The following AK5 variants were observed in gnomAD, a reference collection of about 807,000 sequenced individuals.
The protein encoded by AK5 is adenylate kinase 5.
Under a neutral mutation model 69.5 loss-of-function variants are expected in AK5, and 27 were observed. The observed-to-expected ratio is 0.39, with a 90% CI of 0.29 to 0.54. The LOEUF (loss-of-function observed/expected upper bound fraction) is 0.54, where lower values mean the gene tolerates loss of function less well. AK5 is among the 20% of genes least tolerant of loss of function. AK5 has a pLI of 0.71. For synonymous variants in AK5, 260 were observed against 244.4 expected (o/e 1.06, Z -0.60); for missense variants, 531 against 700.4 (o/e 0.76, Z 2.73).
chr1:77,435,644 C>CAAAAAAAAAAA (rs1202203579), intron 8 of AK5, among the ~76,000 whole-genome samples: 19 of 66,072 alleles, frequency 2.9e-4, no homozygotes, highest in African/African-American at 1.0e-3. Context: ...GACTCTGTCT[C>CAAAAAAAAAAA]AAAAAAAAAA....
At chr1:77,352,030 A>G (rs1457814664) in intron 6 of AK5, among the ~76,000 whole-genome samples, 1 of 151,014 alleles carries the variant, frequency 6.6e-6, no homozygotes, top group Non-Finnish European at 1.5e-5. Context: ...TCCGGTTTCA[A>G]GCAATTCTCC....
At chr1:77,475,429 ATATATGT>A (rs1316772840) in intron 8 of AK5, among the ~76,000 whole-genome samples, 93 of 4,952 alleles carry the variant, frequency 0.019, 2 homozygotes, top group Non-Finnish European at 0.044. Flanking sequence ...TATATATTAT[ATATATGT>A]ATATATATTA....
At chr1:77,544,465 A>G (rs979437247) in intron 13 of AK5, among the ~76,000 whole-genome samples, 8 of 152,156 alleles carry the variant, frequency 5.3e-5, no homozygotes, top group Admixed American at 5.2e-4. Context: ...ACACAAACAC[A>G]TTGTACAGAC....
At chr1:77,445,122 G>C (rs1652668198) in intron 8 of AK5, among the ~76,000 whole-genome samples, 1 of 152,132 alleles carries the variant, frequency 6.6e-6, no homozygotes, top group South Asian at 2.1e-4. Context: ...TTATGCGGTG[G>C]TGATTACATT....
chr1:77,297,448 C>A, intron 3 of AK5, 111 bp from the exon 4 acceptor site: 1 of 978,682 alleles, frequency 1.0e-6, no homozygotes, highest in Non-Finnish European at 1.5e-6. Flanking sequence ...GAACTGTTAA[C>A]CACCCTGTCT....
chr1:77,496,592 A>G (rs933346769), intron 10 of AK5, among the ~76,000 whole-genome samples: 2 of 152,206 alleles, frequency 1.3e-5, no homozygotes, highest in African/African-American at 4.8e-5. Context: ...ATAAAGATCC[A>G]TTATGGGAAC....
intron 5 of AK5, among the ~76,000 whole-genome samples, chr1:77,307,548 C>T (rs1299650190): frequency 1.3e-5 from 2 of 152,076 alleles, no homozygotes; most frequent in African/African-American, 4.8e-5. Flanking sequence ...TGAGAATGAT[C>T]CATGTGCTGA....
intron 7 of AK5, among the ~76,000 whole-genome samples, chr1:77,413,120 A>T (rs190481560): frequency 1.3e-5 from 2 of 151,912 alleles, no homozygotes; most frequent in African/African-American, 2.4e-5. Flanking sequence ...GAAAGCCCCA[A>T]ATCCTTTGCT....
intron 5 of AK5, 33 bp downstream of exon 5, chr1:77,297,980 A>G (rs1329886931): frequency 4.0e-6 from 6 of 1,482,082 alleles, no homozygotes; most frequent in African/African-American, 1.4e-5. Context: ...TAAATGAACT[A>G]CTTTTTGCTT....
chr1:77,546,537 C>T (rs368405016), intron 13 of AK5, among the ~76,000 whole-genome samples: 1 of 152,116 alleles, frequency 6.6e-6, no homozygotes, highest in Admixed American at 6.5e-5. Flanking sequence ...TGGTGAAACT[C>T]CATCTCTACT....
At chr1:77,430,938 A>C (rs1456489733) in intron 8 of AK5, among the ~76,000 whole-genome samples, 1 of 152,202 alleles carries the variant, frequency 6.6e-6, no homozygotes, top group Non-Finnish European at 1.5e-5. Flanking sequence ...GAAAAGGAGA[A>C]TATACAAGTA....
intron 6 of AK5, among the ~76,000 whole-genome samples, chr1:77,365,089 G>A (rs1307089864): frequency 1.3e-5 from 2 of 152,054 alleles, no homozygotes; most frequent in East Asian, 3.9e-4. Context: ...ATACTTCATT[G>A]TATTTTGTTT....
intron 5 of AK5, among the ~76,000 whole-genome samples, chr1:77,337,793 T>C (rs1661439107): frequency 6.6e-6 from 1 of 152,108 alleles, no homozygotes; most frequent in Non-Finnish European, 1.5e-5. Flanking sequence ...TTCAAAGGGA[T>C]TGAACAATTT....
At chr1:77,302,385 CTTTT>C (rs894467644) in intron 5 of AK5, among the ~76,000 whole-genome samples, 3 of 152,084 alleles carry the variant, frequency 2.0e-5, no homozygotes, top group African/African-American at 7.2e-5. Flanking sequence ...AAGCTGCTTT[CTTTT>C]TTATCTTCCC....
intron 12 of AK5, among the ~76,000 whole-genome samples, chr1:77,533,595 C>G (rs1658787362): frequency 6.6e-6 from 1 of 151,170 alleles, no homozygotes. Flanking sequence ...TAACAAGCTT[C>G]CAAATGACAT....
intron 6 of AK5, among the ~76,000 whole-genome samples, chr1:77,350,185 T>A (rs528249695): frequency 6.6e-6 from 1 of 152,112 alleles, no homozygotes; most frequent in Admixed American, 6.5e-5. Flanking sequence ...GCTGGAGAAG[T>A]GGTATGAGCC....
intron 8 of AK5, among the ~76,000 whole-genome samples, chr1:77,477,029 T>TGC (rs1553155258): frequency 3.9e-4 from 58 of 150,484 alleles, no homozygotes; most frequent in East Asian, 2.3e-3. Context: ...TGTGTGTGTG[T>TGC]GCGTGTGTGT....
At chr1:77,483,864 T>A (rs1471916658) in intron 9 of AK5, among the ~76,000 whole-genome samples, 2 of 152,208 alleles carry the variant, frequency 1.3e-5, no homozygotes, top group Non-Finnish European at 2.9e-5. Flanking sequence ...ATTTTTGTCA[T>A]ATTAAAAGTT....
chr1:77,558,327 G>A (rs2100413575), intron 13 of AK5, among the ~76,000 whole-genome samples: 1 of 152,320 alleles, frequency 6.6e-6, no homozygotes, highest in East Asian at 1.9e-4. Flanking sequence ...CAATGAGTGA[G>A]AGTTCCTATT....
Sources: allele counts gnomAD v4.1 joint callset (sites outside exome capture counted in the v4.1 genomes callset), GRCh38; gene constraint gnomAD v4.1.1; transcripts MANE v1.5; gene names NCBI Gene and HGNC (gene_info 2026-07-23, HGNC 2026-07-21).